ZSWIM5: variants seen among roughly 807,000 people sequenced by gnomAD.
The protein encoded by ZSWIM5 is zinc finger SWIM domain-containing protein 5.
In ZSWIM5, 55 loss-of-function variants were observed where a neutral mutation model predicts 119.6. The ratio of observed to expected loss-of-function variants is 0.46; its 90% CI spans 0.37 to 0.58. ZSWIM5 has a LOEUF of 0.58. Ranked by LOEUF, ZSWIM5 falls within the 20% of genes least tolerant of loss-of-function variation. The pLI is 0.00. For missense variants in ZSWIM5, 1,193 were observed against 1,512.8 expected, an observed-to-expected ratio of 0.79 and a Z score of 3.51; for synonymous variants, 537 against 606.9, an observed-to-expected ratio of 0.88 and a Z score of 1.69.
intron 1 of ZSWIM5, among the ~76,000 whole-genome samples, chr1:45,100,450 G>A (rs530383759): frequency 1.3e-5 from 2 of 152,198 alleles, no homozygotes; most frequent in South Asian, 4.2e-4. Context: ...GGAAGAATCA[G>A]TATCATGAAA....
chr1:45,038,026 G>A lies in ZSWIM5; in HGVS notation c.1894+910C>T, dbSNP rs1226965664. ...TCAAGTAGCTGACAGTCTAGTAAGA[G>A]AGAACTATTTGTAAATAAATTGTAA... On this transcript the variant is annotated intron_variant, in intron 8 of 13. Coordinates refer to ENST00000359600, the MANE Select transcript of ZSWIM5 (RefSeq NM_020883.2). Among the ~76,000 whole-genome samples, 25 of 152,150 alleles carry A rather than the reference G, an allele frequency of 1.6e-4. 1 individual carries two copies. The highest frequency in any genetic ancestry group is 1.6e-3 in the Admixed American group (24 of 15,268).
Position 45,206,431 on chromosome 1 carries a change from G to A in ZSWIM5, c.-81C>T. 2.4e-6 allele frequency: 3 copies of A among 1,255,672 alleles called. No individual in the cohort carries two copies. Among genetic ancestry groups the A allele is most frequent in the Non-Finnish European group, 3.0e-6 (3 of 1,001,264 alleles). 77.8% of individuals were successfully genotyped at this position (1,255,672 alleles called of 1,614,324 possible). On this transcript the variant is annotated 5_prime_UTR_variant, in exon 1 of 14. Transcript: ENST00000359600. ...GACCCTGGCCACGGCCACGCGCCCC[G>A]CGCAAGCGCCCAGCGGTGGCGCCGA...
intron 1 of ZSWIM5, among the ~76,000 whole-genome samples, chr1:45,156,419 A>G (rs1298855938): frequency 6.6e-6 from 1 of 151,168 alleles, no homozygotes; most frequent in Non-Finnish European, 1.5e-5. Context: ...AAGTCTACAT[A>G]TGTACCCCTG....
At chr1:45,082,004 G>A (rs1391842255) in intron 2 of ZSWIM5, among the ~76,000 whole-genome samples, 1 of 152,114 alleles carries the variant, frequency 6.6e-6, no homozygotes, top group East Asian at 1.9e-4. Flanking sequence ...TCTGCCTTGG[G>A]ATCCTGTTGA....
chr1:45,044,768 TA>T (rs1557746439), intron 5 of ZSWIM5, among the ~76,000 whole-genome samples: 31 of 2,894 alleles, frequency 0.011, 7 homozygotes, highest in East Asian at 0.027. Context: ...TATATATATA[TA>T]TATATAAATA....
chr1:45,164,806 G>T (rs1645890406), intron 1 of ZSWIM5, among the ~76,000 whole-genome samples: 1 of 152,110 alleles, frequency 6.6e-6, no homozygotes, highest in Admixed American at 6.6e-5. Context: ...GGAGCACCCA[G>T]ATTCATAAAG....
intron 1 of ZSWIM5, among the ~76,000 whole-genome samples, chr1:45,154,660 T>C (rs913852118): frequency 6.6e-6 from 1 of 152,094 alleles, no homozygotes; most frequent in Non-Finnish European, 1.5e-5. Context: ...GGTGGGTGGA[T>C]CACCTGAGAT....
At chr1:45,097,858 C>T (rs1570094792) in intron 1 of ZSWIM5, among the ~76,000 whole-genome samples, 1 of 152,130 alleles carries the variant, frequency 6.6e-6, no homozygotes. Flanking sequence ...CCCACCACCA[C>T]ACCCGGCTAT....
intron 11 of ZSWIM5, 106 bp downstream of exon 11, chr1:45,034,206 G>A (rs1165475492): frequency 1.8e-5 from 24 of 1,365,496 alleles, no homozygotes; most frequent in African/African-American, 2.9e-5. Flanking sequence ...ACTCTAAATG[G>A]TCAAGGAGCT....
Position 45,020,723 on chromosome 1 carries a change from T to C in ZSWIM5, c.2515A>G (p.Ile839Val). 1 of 1,614,158 alleles carries C rather than the reference T, an allele frequency of 6.2e-7. No homozygotes were observed. The highest frequency in any genetic ancestry group is 1.1e-5 in the South Asian group (1 of 91,084). The change falls in exon 12 of 14, where the codon ATC becomes GTC. Residue 839 changes from isoleucine (I) to valine (V), a missense_variant. By Grantham distance (29) the Ile-to-Val change is conservative (BLOSUM62 3). Transcript: ENST00000359600. ...AATGCATCTTGGGCCAGTTTGAAGA[T>C]GAGGGAGGAAGAATGAATGTGCTTC... ...IQKHIHSSSL[I>V]FKLAQDAFKI...
chr1:45,206,437 G>C lies in ZSWIM5; in HGVS notation c.-87C>G. The C allele has an allele frequency of 1.6e-6, 2 of 1,234,036 alleles. No individual in the cohort carries two copies. Among genetic ancestry groups the C allele is most frequent in the Non-Finnish European group, 1.0e-6 (1 of 989,534 alleles). 76.4% of individuals were successfully genotyped at this position (1,234,036 alleles called of 1,614,324 possible). A position where few individuals can be genotyped will look rare whatever the true frequency, so the allele number is the denominator to read the frequency against. On this transcript the variant is annotated 5_prime_UTR_variant, in exon 1 of 14. Transcript: ENST00000359600. ...GGCCACGGCCACGCGCCCCGCGCAAGCGCCCAGCGGTGGCGCCGAGGGGGG... is the reference window on the plus strand; with the variant it reads ...GGCCACGGCCACGCGCCCCGCGCAACCGCCCAGCGGTGGCGCCGAGGGGGG...
chr1:45,058,540 G>T (rs1423809041), intron 4 of ZSWIM5, 69 bp downstream of exon 4: 4 of 1,585,854 alleles, frequency 2.5e-6, no homozygotes, highest in Non-Finnish European at 3.4e-6. Context: ...GATGGCAAGG[G>T]CTCATAAACA....
intron 1 of ZSWIM5, among the ~76,000 whole-genome samples, chr1:45,177,795 A>T (rs190590649): frequency 6.6e-6 from 1 of 152,218 alleles, no homozygotes; most frequent in Non-Finnish European, 1.5e-5. Flanking sequence ...GTCTAATGCA[A>T]GCAGAAAAAT....
At position 45,072,541 on chromosome 1, in the gene ZSWIM5, T is replaced by C. The variant is rs1645228277; in HGVS notation, c.953-12294A>G. 1.3e-5 allele frequency among the ~76,000 whole-genome samples: 2 copies of C among 152,056 alleles called. No individual in the cohort carries two copies. Among genetic ancestry groups the C allele is most frequent in the South Asian group, 4.1e-4 (2 of 4,832 alleles). ...TTTCCCCAATGTTTTCTTGTAGTAGTTTCATAGTTTCAGGTCTTAGATTTA... is the reference window on the plus strand; with the variant it reads ...TTTCCCCAATGTTTTCTTGTAGTAGCTTCATAGTTTCAGGTCTTAGATTTA... On this transcript the variant is annotated intron_variant, in intron 2 of 13. Coordinates refer to ENST00000359600, the MANE Select transcript of ZSWIM5 (RefSeq NM_020883.2). This position sits in a 1 kb window ranked among gnomAD's most constrained non-coding sequence, Gnocchi z 4.1.
chr1:45,163,011 AGACT>A (rs955105957), intron 1 of ZSWIM5, among the ~76,000 whole-genome samples: 6 of 152,250 alleles, frequency 3.9e-5, no homozygotes, highest in African/African-American at 1.4e-4. Context: ...CAGAACAGAC[AGACT>A]GCCTCCTCAA....
At chr1:45,150,986 G>A (rs187159302) in intron 1 of ZSWIM5, among the ~76,000 whole-genome samples, 244 of 152,132 alleles carry the variant, frequency 1.6e-3, no homozygotes, top group Non-Finnish European at 2.3e-3. Context: ...CAACATTCAC[G>A]GCTTCACTAT....
rs1269353303 is a variant in ZSWIM5 at position 45,088,639 on chromosome 1, A to T, written c.596-402T>A. Among the ~76,000 whole-genome samples, 1 of 152,228 alleles carries T rather than the reference A, an allele frequency of 6.6e-6. No individual in the cohort carries two copies. The highest frequency in any genetic ancestry group is 1.5e-5 in the Non-Finnish European group (1 of 68,046). ...GTAGGCAAAGACAAGTCTACAAATA[A>T]TATCTGTATAATCTAGAGTAAGGTA... On this transcript the variant is annotated intron_variant, in intron 1 of 13. Transcript: ENST00000359600. The surrounding 1 kb of genome is among the most constrained non-coding windows in gnomAD (Gnocchi z 4.2).
rs1644867089 is a variant in ZSWIM5, at chr1:45,018,280, AGGTAGGC to A, written c.*167_*173del. The A allele has an allele frequency of 2.5e-6, 2 of 793,028 alleles. No individual in the cohort carries two copies. Among genetic ancestry groups the A allele is most frequent in the Admixed American group, 2.9e-5 (1 of 34,234 alleles). 49.1% of individuals were successfully genotyped at this position (793,028 alleles called of 1,614,324 possible). The stretch of plus-strand genomic sequence containing the variant: ...GTAGGCTGTAGTCAGAAGCTTGCCA[AGGTAGGC>A]ATTATCGACTAGAGCTGGACTTTCC... On this transcript the variant is annotated 3_prime_UTR_variant, in exon 14 of 14. Transcript: ENST00000359600. The surrounding 1 kb of genome is among the most constrained non-coding windows in gnomAD (Gnocchi z 6.7).
intron 1 of ZSWIM5, among the ~76,000 whole-genome samples, chr1:45,149,584 CA>C (rs1645783687): frequency 6.6e-6 from 1 of 152,008 alleles, no homozygotes; most frequent in Non-Finnish European, 1.5e-5. Flanking sequence ...TTAAGGTAAC[CA>C]AATCAAATCA....
Sources: gnomAD v4.1 joint callset for allele counts (sites outside exome capture counted in the v4.1 genomes callset) on GRCh38, gnomAD v4.1.1 for gene constraint, Gnocchi (gnomAD v3.1) non-coding constraint, MANE v1.5 for transcripts, NCBI Gene and HGNC (gene_info 2026-07-23, HGNC 2026-07-21) for gene names.